UGGT2: variants seen among roughly 807,000 people sequenced by gnomAD.
UGGT2 encodes the protein UDP-glucose glycoprotein glucosyltransferase 2.
In UGGT2, 180 loss-of-function variants were observed where a neutral mutation model predicts 192.1. That is an observed-to-expected ratio of 0.94 (90% confidence interval 0.83 to 1.06). The LOEUF is 1.06. Ranked by LOEUF, UGGT2 falls within the 50% of genes least tolerant of loss-of-function variation. The pLI is 0.00. For missense variants in UGGT2, 1,849 were observed against 1,795.7 expected (o/e 1.03, Z -0.54); for synonymous variants, 580 against 591.0 (o/e 0.98, Z 0.27).
chr13:96,030,759 G>A (rs2052809018), intron 2 of UGGT2, among the ~76,000 whole-genome samples: 1 of 152,136 alleles, frequency 6.6e-6, no homozygotes, highest in Non-Finnish European at 1.5e-5. Flanking sequence ...TCTCTGCAGA[G>A]ATAGGAAAAT....
At chr13:95,909,351 C>T (rs989312229) in intron 20 of UGGT2, among the ~76,000 whole-genome samples, 2 of 151,624 alleles carry the variant, frequency 1.3e-5, no homozygotes, top group Admixed American at 1.3e-4. Context: ...TGGAACCAAC[C>T]CAAATGTCCA....
rs182827504 is a variant in UGGT2 at position 96,039,112 on chromosome 13, A to C, written c.159-7141T>G. On this transcript the variant is annotated intron_variant, in intron 1 of 38. Coordinates refer to ENST00000376747, the MANE Select transcript of UGGT2 (RefSeq NM_020121.4). Reference sequence around the variant, plus strand: ...GCAGGGCAAATTTCCATTATGTTTCAAAGCCTGAGAATAACTCTCTGTGGC... The same window carrying C: ...GCAGGGCAAATTTCCATTATGTTTCCAAGCCTGAGAATAACTCTCTGTGGC... Among the ~76,000 whole-genome samples, 83 of 152,308 alleles carry C rather than the reference A, an allele frequency of 5.4e-4. No homozygotes were observed. The East Asian group carries it at 0.014, about 27-fold the overall frequency.
intron 24 of UGGT2, among the ~76,000 whole-genome samples, chr13:95,893,628 T>C (rs541718710): frequency 6.6e-6 from 1 of 152,300 alleles, no homozygotes; most frequent in East Asian, 1.9e-4. Flanking sequence ...TAACCGTATT[T>C]ATATTATTAT....
intron 33 of UGGT2, chr13:95,856,706 C>T: frequency 2.5e-6 from 1 of 397,006 alleles, no homozygotes; most frequent in Non-Finnish European, 4.8e-6. Flanking sequence ...TCAAATAGTT[C>T]ATGTATATGT....
intron 31 of UGGT2, among the ~76,000 whole-genome samples, chr13:95,862,803 C>T (rs1198794253): frequency 6.6e-6 from 1 of 152,132 alleles, no homozygotes; most frequent in Non-Finnish European, 1.5e-5. Flanking sequence ...ACCACATCAC[C>T]CAGTGGCCAA....
At chr13:95,908,386 G>A (rs1374801032) in intron 20 of UGGT2, among the ~76,000 whole-genome samples, 2 of 152,124 alleles carry the variant, frequency 1.3e-5, no homozygotes, top group Non-Finnish European at 2.9e-5. Context: ...TCAAATTCAG[G>A]AAATACAGAG....
At chr13:95,946,540 A>G (rs572761934) in intron 15 of UGGT2, among the ~76,000 whole-genome samples, 1 of 147,536 alleles carries the variant, frequency 6.8e-6, no homozygotes, top group South Asian at 2.2e-4. Flanking sequence ...GGAATTTTTT[A>G]TTTTTTTTTT....
intron 1 of UGGT2, among the ~76,000 whole-genome samples, chr13:96,045,251 T>C (rs186862548): frequency 1.3e-3 from 203 of 152,204 alleles, no homozygotes; most frequent in African/African-American, 4.5e-3. Context: ...ATCATCTCAA[T>C]AGACGCAGAA....
At chr13:95,984,618 T>C (rs2051233533) in intron 9 of UGGT2, among the ~76,000 whole-genome samples, 2 of 152,142 alleles carry the variant, frequency 1.3e-5, no homozygotes, top group Non-Finnish European at 2.9e-5. Flanking sequence ...GTGCGAGCCA[T>C]TGCACCCAGC....
chr13:95,997,215 G>C (rs1190577622), intron 6 of UGGT2, among the ~76,000 whole-genome samples: 1 of 152,008 alleles, frequency 6.6e-6, no homozygotes, highest in Admixed American at 6.6e-5. Context: ...TAGACACCAA[G>C]AACAACAGAG....
Position 95,900,791 on chromosome 13 carries a change from A to G in UGGT2, c.2634+16T>C. ...AGTGTCACTGAGAAAAGAGAGCAAT[A>G]GCTTTTTCTACTTACTCTCCCATTG... On this transcript the variant is annotated intron_variant, in intron 22 of 38. Coordinates refer to ENST00000376747, the MANE Select transcript of UGGT2 (RefSeq NM_020121.4). 1 of 1,600,872 alleles carries G rather than the reference A, an allele frequency of 6.2e-7. No individual in the cohort carries two copies. The highest frequency in any genetic ancestry group is 8.5e-7 in the Non-Finnish European group (1 of 1,174,744).
chr13:95,875,867 G>T (rs1029475747), intron 29 of UGGT2, among the ~76,000 whole-genome samples: 3 of 151,892 alleles, frequency 2.0e-5, no homozygotes, highest in Non-Finnish European at 4.4e-5. Flanking sequence ...TATTATCTTT[G>T]TTGAGCACAA....
At chr13:96,049,956 C>G (rs1250739660) in intron 1 of UGGT2, among the ~76,000 whole-genome samples, 2 of 152,176 alleles carry the variant, frequency 1.3e-5, no homozygotes, top group Non-Finnish European at 2.9e-5. Flanking sequence ...CAATGACTTT[C>G]TTCACAAAAT....
At chr13:95,992,811 A>G (rs2140906083) in intron 7 of UGGT2, among the ~76,000 whole-genome samples, 1 of 152,304 alleles carries the variant, frequency 6.6e-6, no homozygotes, top group South Asian at 2.1e-4. Context: ...GGGAATGCTT[A>G]TATGCTGTTG....
chr13:95,973,035 T>C (rs1485887227), intron 10 of UGGT2, among the ~76,000 whole-genome samples: 3 of 152,140 alleles, frequency 2.0e-5, no homozygotes, highest in African/African-American at 7.2e-5. Context: ...CTGGGCGTGG[T>C]GGCACATGCC....
chr13:95,826,938 A>G (rs1281636191), intron 38 of UGGT2, among the ~76,000 whole-genome samples: 1 of 152,186 alleles, frequency 6.6e-6, no homozygotes, highest in Non-Finnish European at 1.5e-5. Flanking sequence ...CTTGATATTA[A>G]AACATAATAT....
chr13:95,977,743 G>A (rs375660055), intron 10 of UGGT2, among the ~76,000 whole-genome samples: 7 of 152,220 alleles, frequency 4.6e-5, no homozygotes, highest in East Asian at 3.9e-4. Flanking sequence ...AAATGCACAC[G>A]TATGTTTATT....
chr13:96,002,884 A>G (rs911097083), intron 5 of UGGT2, among the ~76,000 whole-genome samples: 1 of 152,194 alleles, frequency 6.6e-6, no homozygotes, highest in African/African-American at 2.4e-5. Context: ...AGAAATATGA[A>G]GGAATTGCCA....
intron 36 of UGGT2, among the ~76,000 whole-genome samples, chr13:95,845,316 G>A (rs1027369883): frequency 6.9e-6 from 1 of 145,712 alleles, no homozygotes; most frequent in South Asian, 2.4e-4. Flanking sequence ...TAGGCAGAGG[G>A]CCCTGCCGCC....
Sources: allele counts gnomAD v4.1 joint callset (sites outside exome capture counted in the v4.1 genomes callset), GRCh38; gene constraint gnomAD v4.1.1; transcripts MANE v1.5; gene names NCBI Gene and HGNC (gene_info 2026-07-23, HGNC 2026-07-21).